The following ANKIB1 variants were observed in gnomAD, a reference collection of about 807,000 sequenced individuals.
ANKIB1 encodes ankyrin repeat and IBR domain containing 1.
A neutral mutation model predicts 122.1 loss-of-function variants in ANKIB1; 43 were observed. The observed-to-expected ratio is 0.35, with a 90% CI of 0.28 to 0.45. ANKIB1 has a LOEUF of 0.45. Ranked by LOEUF, ANKIB1 falls within the 20% of genes least tolerant of loss-of-function variation. The pLI is 1.00. For missense variants in ANKIB1, 992 were observed against 1,329.5 expected (o/e 0.75, Z 3.95); for synonymous variants, 390 against 442.0 (o/e 0.88, Z 1.48).
At position 92,328,479 on chromosome 7, in the gene ANKIB1, C is replaced by G. The variant is rs184148666; in HGVS notation, c.787+579C>G. ...ACTAACTTTATATAAGAAAATTTTC[C>G]TAAGTGCTCAGTTTAAGTTCCCTAT... is the stretch of plus-strand genomic sequence containing the variant. On this transcript the variant is annotated intron_variant, in intron 5 of 19. Transcript: ENST00000265742. 2.9e-4 allele frequency among the ~76,000 whole-genome samples: 44 copies of G among 151,988 alleles called. No individual in the cohort carries two copies. The East Asian group carries it at 8.1e-3, about 28-fold the overall frequency.
intron 5 of ANKIB1, among the ~76,000 whole-genome samples, chr7:92,331,891 C>G (rs1474745555): frequency 6.6e-6 from 1 of 151,744 alleles, no homozygotes; most frequent in African/African-American, 2.4e-5. Context: ...GTTCATAACT[C>G]TTAAGCTATA....
intron 1 of ANKIB1, among the ~76,000 whole-genome samples, chr7:92,260,122 C>A (rs1439185889): frequency 1.3e-5 from 2 of 152,160 alleles, no homozygotes. Flanking sequence ...CCAGTGACTT[C>A]CCCTTTTACC....
chr7:92,335,541 A>T (rs1803270344), intron 5 of ANKIB1, among the ~76,000 whole-genome samples: 1 of 151,912 alleles, frequency 6.6e-6, no homozygotes, highest in South Asian at 2.1e-4. Context: ...AATTTGCTTA[A>T]TCTATTTTGA....
At chr7:92,297,224 C>G (rs957988118) in intron 2 of ANKIB1, among the ~76,000 whole-genome samples, 6 of 152,132 alleles carry the variant, frequency 3.9e-5, no homozygotes, top group African/African-American at 1.4e-4. Context: ...AGCTTGTTGC[C>G]CAGCTAGACG....
At chr7:92,344,339 G>A (rs532935138) in intron 6 of ANKIB1, among the ~76,000 whole-genome samples, 1 of 151,332 alleles carries the variant, frequency 6.6e-6, no homozygotes, top group Non-Finnish European at 1.5e-5. Context: ...TGAGTAGCTG[G>A]GATTACAGAC....
chr7:92,399,103 T>TC lies in ANKIB1; in HGVS notation c.*155dup. ...AGAGAAGTTCCCTTGAATGGTAGCT[T>TC]CATTTTTTATTTTAACCTTACAGGG... On this transcript the variant is annotated 3_prime_UTR_variant, in exon 20 of 20. Coordinates refer to ENST00000265742, the MANE Select transcript of ANKIB1 (RefSeq NM_019004.2). The TC allele has an allele frequency of 2.7e-6, 2 of 745,678 alleles. No homozygotes were observed. The highest frequency in any genetic ancestry group is 3.8e-6 in the Non-Finnish European group (2 of 524,318). 46.2% of individuals were successfully genotyped at this position (745,678 alleles called of 1,614,324 possible).
At chr7:92,378,007 G>A (rs1804423020) in intron 11 of ANKIB1, among the ~76,000 whole-genome samples, 1 of 151,890 alleles carries the variant, frequency 6.6e-6, no homozygotes, top group African/African-American at 2.4e-5. Flanking sequence ...CTTGATATCT[G>A]CTTCACAAGA....
chr7:92,319,767 C>G (rs888223283), intron 4 of ANKIB1: 4 of 369,490 alleles, frequency 1.1e-5, no homozygotes, highest in South Asian at 3.8e-5. Context: ...AAGACTCTAT[C>G]TACAAAAAAT....
intron 11 of ANKIB1, among the ~76,000 whole-genome samples, chr7:92,379,336 G>A (rs1052556736): frequency 7.2e-5 from 11 of 152,190 alleles, no homozygotes; most frequent in Non-Finnish European, 1.6e-4. Flanking sequence ...AGCTTGCAGT[G>A]AGCCGAGTTA....
At chr7:92,364,913 G>A (rs1038670007) in intron 10 of ANKIB1, among the ~76,000 whole-genome samples, 1 of 152,204 alleles carries the variant, frequency 6.6e-6, no homozygotes, top group Non-Finnish European at 1.5e-5. Flanking sequence ...AGATAAGCAA[G>A]TGACTTTCCG....
At position 92,396,414 on chromosome 7, in the gene ANKIB1, G is replaced by T; in HGVS notation, c.2333G>T (p.Gly778Val). The T allele has an allele frequency of 6.3e-7, 1 of 1,599,380 alleles. No individual in the cohort carries two copies. The highest frequency in any genetic ancestry group is 8.5e-7 in the Non-Finnish European group (1 of 1,172,636). ...YRRRHRQRRR[G>V]DVHSLLSNPP... ...AGGAGGCACAGACAACGTCGTCGAG[G>T]AGATGTTCACAGTCTACTCAGTAAT... The change falls in exon 18 of 20, where the codon GGA becomes GTA. Residue 778 changes from glycine (G) to valine (V), a missense_variant. By Grantham distance (109) the Gly-to-Val change is moderately radical. Around this residue, in one of 4 missense-constraint regions of ANKIB1, gnomAD observed 384 missense variants for 412.0 expected, o/e 0.93. Transcript: ENST00000265742.
At position 92,267,835 on chromosome 7, in the gene ANKIB1, T is replaced by C. The variant is rs1801706919; in HGVS notation, c.-91+21316T>C. On this transcript the variant is annotated intron_variant, in intron 1 of 19. Coordinates refer to ENST00000265742, the MANE Select transcript of ANKIB1 (RefSeq NM_019004.2). ...ATATTGATAGGTGATCTAGGCCCTT[T>C]ATCATTCTCTAGATTCTAGGGAAAT... Among the ~76,000 whole-genome samples the C allele has an allele frequency of 2.0e-5, 3 of 152,190 alleles. No homozygotes were observed. In the East Asian group the frequency reaches 5.8e-4, roughly 29 times the overall value.
intron 10 of ANKIB1, among the ~76,000 whole-genome samples, chr7:92,364,186 G>T (rs1027009513): frequency 1.3e-5 from 2 of 151,628 alleles, no homozygotes; most frequent in Non-Finnish European, 2.9e-5. Context: ...GGTGGTGTGC[G>T]CCTGTAATCC....
intron 1 of ANKIB1, among the ~76,000 whole-genome samples, chr7:92,272,407 G>C: frequency 6.6e-6 from 1 of 152,182 alleles, no homozygotes. Flanking sequence ...CTTGTCGAAG[G>C]AGAGAGTAGA....
chr7:92,344,926 T>A, intron 6 of ANKIB1, 52 bp from the exon 7 acceptor site: 1 of 1,449,202 alleles, frequency 6.9e-7, no homozygotes, highest in Non-Finnish European at 9.6e-7. Context: ...AATGTATTGT[T>A]CTCTTTCAGA....
intron 5 of ANKIB1, among the ~76,000 whole-genome samples, chr7:92,334,592 G>A (rs1461693895): frequency 6.6e-6 from 1 of 151,906 alleles, no homozygotes; most frequent in East Asian, 1.9e-4. Flanking sequence ...GAACTTTTCT[G>A]TAGTTGTCAT....
At chr7:92,398,121 C>T (rs1804939529) in intron 19 of ANKIB1, 91 bp from the exon 20 acceptor site, 1 of 1,313,518 alleles carries the variant, frequency 7.6e-7, no homozygotes, top group Admixed American at 3.1e-5. Flanking sequence ...AATTAATAAT[C>T]TGTTGGTAAA....
At chr7:92,255,411 G>C (rs545107734) in intron 1 of ANKIB1, among the ~76,000 whole-genome samples, 2 of 152,322 alleles carry the variant, frequency 1.3e-5, no homozygotes, top group Middle Eastern at 6.8e-3. Context: ...CTGGTATAGT[G>C]GTTCCACAGT....
intron 9 of ANKIB1, among the ~76,000 whole-genome samples, chr7:92,357,240 T>G (rs1303312360): frequency 6.6e-6 from 1 of 152,144 alleles, no homozygotes; most frequent in Non-Finnish European, 1.5e-5. Context: ...AACTATTTTT[T>G]TTTTCTTTAT....
Sources: allele counts gnomAD v4.1 joint callset (sites outside exome capture counted in the v4.1 genomes callset), GRCh38; gene constraint gnomAD v4.1.1; regional missense constraint gnomAD v4.1.1; transcripts MANE v1.5; gene names NCBI Gene and HGNC (gene_info 2026-07-23, HGNC 2026-07-21).